TTC7B: variants seen among roughly 807,000 people sequenced by gnomAD.
TTC7B encodes the protein tetratricopeptide repeat protein 7B.
Under a neutral mutation model 106.8 loss-of-function variants are expected in TTC7B, and 28 were observed. The ratio of observed to expected loss-of-function variants is 0.26; its 90% CI spans 0.19 to 0.36. The LOEUF (loss-of-function observed/expected upper bound fraction) is 0.36. Among genes scored for constraint, TTC7B ranks in the 10% least tolerant of loss-of-function variants. The pLI, the probability that TTC7B is intolerant of heterozygous loss-of-function variation, is 1.00. For synonymous variants in TTC7B, 405 were observed against 430.6 expected (o/e 0.94, Z 0.74); for missense variants, 862 against 1,076.4 (o/e 0.80, Z 2.79).
rs1229814030 is a variant in TTC7B at position 90,657,420 on chromosome 14, G to A, written c.1237-142C>T. The stretch of plus-strand genomic sequence containing the variant: ...AAGCCCAAGCAAGCGGGGGCCTGAG[G>A]TGCATGAAAACCAGAGCCTGCGGCT... On this transcript the variant is annotated intron_variant, in intron 10 of 19. Transcript: ENST00000328459. The surrounding 1 kb of genome is among the most constrained non-coding windows in gnomAD (Gnocchi z 4.2). 7.4e-6 allele frequency: 5 copies of A among 679,810 alleles called. No homozygotes were observed. Among genetic ancestry groups the A allele is most frequent in the African/African-American group, 1.8e-5 (1 of 55,406 alleles). The allele number at this position is 679,810 out of a possible 1,614,324, so 42.1% of individuals were successfully genotyped here.
chr14:90,584,720 G>A (rs780504559), intron 18 of TTC7B, among the ~76,000 whole-genome samples: 3 of 151,756 alleles, frequency 2.0e-5, no homozygotes, highest in Admixed American at 6.6e-5. Context: ...TCCCGACCTC[G>A]CAGCTCAAGC....
Position 90,647,008 on chromosome 14 carries a change from T to C in TTC7B, c.1533A>G (p.Ser511=). ...AGAAAGCTGCTTGGTGATCTGTGGG[T>C]GACAGGCTGTGGGCCCTGAAAAAGT... ...LLAFQRAHSL[S]PTDHQAAFYL... is the part of the protein sequence containing the mutation. Residue 511 remains serine, a synonymous_variant, in exon 14 of 20, where the codon TCA becomes TCG. Coordinates refer to ENST00000328459, the MANE Select transcript of TTC7B (RefSeq NM_001010854.2). 1 of 1,614,136 alleles carries C rather than the reference T, an allele frequency of 6.2e-7. No individual in the cohort carries two copies. The highest frequency in any genetic ancestry group is 1.1e-5 in the South Asian group (1 of 91,072).
At chr14:90,690,056 A>T (rs2016037997) in intron 6 of TTC7B, among the ~76,000 whole-genome samples, 1 of 152,262 alleles carries the variant, frequency 6.6e-6, no homozygotes, top group African/African-American at 2.4e-5. Flanking sequence ...TGAGCTGCAG[A>T]TATTAGCATC....
chr14:90,636,905 A>G (rs1395944733), intron 15 of TTC7B, among the ~76,000 whole-genome samples: 2 of 151,818 alleles, frequency 1.3e-5, no homozygotes, highest in African/African-American at 4.8e-5. Context: ...GAAAATTTTT[A>G]GTCTTAAATG....
intron 3 of TTC7B, among the ~76,000 whole-genome samples, chr14:90,758,576 CGACCCCTGGCGGCG>C (rs1243570231): frequency 6.6e-6 from 1 of 152,246 alleles, no homozygotes; most frequent in African/African-American, 2.4e-5. Context: ...GCGGCTCCCG[CGACCCCTGGCGGCG>C]GCTGCCGAGG....
At chr14:90,701,762 A>G (rs900432231) in intron 5 of TTC7B, among the ~76,000 whole-genome samples, 2 of 144,390 alleles carry the variant, frequency 1.4e-5, no homozygotes, top group Non-Finnish European at 3.0e-5. Context: ...GTGTGTGTGT[A>G]TATATGTGTA....
intron 16 of TTC7B, 40 bp from the exon 17 acceptor site, chr14:90,610,879 G>A: frequency 2.0e-6 from 3 of 1,469,084 alleles, no homozygotes; most frequent in Non-Finnish European, 2.9e-6. Context: ...CCTGCAAGGT[G>A]GGAGGAGGGA....
intron 19 of TTC7B, among the ~76,000 whole-genome samples, chr14:90,559,834 G>A (rs182621892): frequency 3.1e-4 from 47 of 152,354 alleles, no homozygotes; most frequent in Admixed American, 1.4e-3. Flanking sequence ...TAAATCACAC[G>A]GCCACATGGC....
chr14:90,568,368 A>G (rs1235533490), intron 19 of TTC7B, among the ~76,000 whole-genome samples: 1 of 152,230 alleles, frequency 6.6e-6, no homozygotes, highest in Non-Finnish European at 1.5e-5. Context: ...CAGAATTTCC[A>G]AGAATAAATG....
intron 3 of TTC7B, 101 bp downstream of exon 3, chr14:90,780,637 G>GGTTCATCACC: frequency 2.2e-6 from 3 of 1,389,700 alleles, no homozygotes; most frequent in Non-Finnish European, 2.9e-6. Flanking sequence ...GGAACTGCCA[G>GGTTCATCACC]GTTCATCACC....
At chr14:90,782,321 G>T (rs190963052) in intron 2 of TTC7B, among the ~76,000 whole-genome samples, 2 of 152,166 alleles carry the variant, frequency 1.3e-5, no homozygotes, top group African/African-American at 4.8e-5. Context: ...CATCCAGGCC[G>T]AGTGCGGTGG....
At chr14:90,709,006 G>A (rs1888325776) in intron 5 of TTC7B, among the ~76,000 whole-genome samples, 1 of 151,334 alleles carries the variant, frequency 6.6e-6, no homozygotes, top group African/African-American at 2.4e-5. Context: ...ACACCAGTTA[G>A]AATGGCGATC....
intron 1 of TTC7B, among the ~76,000 whole-genome samples, chr14:90,812,221 A>G (rs1337401154): frequency 1.3e-5 from 2 of 152,116 alleles, no homozygotes; most frequent in Non-Finnish European, 2.9e-5. Context: ...TAGCCACTAC[A>G]GGTAAGGTCC....
rs2030337660 is a variant in TTC7B, at chr14:90,802,525, G to A, written c.121+13650C>T. On this transcript the variant is annotated intron_variant, in intron 1 of 19. Coordinates refer to ENST00000328459, the MANE Select transcript of TTC7B (RefSeq NM_001010854.2). This position sits in a 1 kb window ranked among gnomAD's most constrained non-coding sequence, Gnocchi z 4.7. ...GTCGAGTTAGTGGCATGAAACAAGGGAGTTTCCTAATTGCTTTTATTTCCT... is the reference window on the plus strand; with the variant it reads ...GTCGAGTTAGTGGCATGAAACAAGGAAGTTTCCTAATTGCTTTTATTTCCT... 6.6e-6 allele frequency among the ~76,000 whole-genome samples: 1 copy of A among 152,084 alleles called. No individual in the cohort carries two copies. The highest frequency in any genetic ancestry group is 1.5e-5 in the Non-Finnish European group (1 of 68,022).
At position 90,531,821 on chromosome 14, in the gene TTC7B, C is replaced by G. The variant is rs931484934; in HGVS notation, c.*9547G>C. ...AGTTGAAAGCCAGAGAATCTGAAAA[C>G]ACTGGACTGAAAAGTCTCATTGTGT... On this transcript the variant is annotated 3_prime_UTR_variant, in exon 20 of 20. Transcript: ENST00000328459. 1 of 152,194 alleles carries G rather than the reference C, an allele frequency of 6.6e-6. No individual in the cohort carries two copies. Among genetic ancestry groups the G allele is most frequent in the South Asian group, 2.1e-4 (1 of 4,838 alleles). The allele number at this position is 152,194 out of a possible 1,614,324, so 9.4% of individuals were successfully genotyped here.
At chr14:90,561,593 G>A (rs1011550993) in intron 19 of TTC7B, among the ~76,000 whole-genome samples, 1 of 152,142 alleles carries the variant, frequency 6.6e-6, no homozygotes, top group Non-Finnish European at 1.5e-5. Context: ...GAACACCATC[G>A]TCCCCACATA....
intron 3 of TTC7B, among the ~76,000 whole-genome samples, chr14:90,745,906 T>C (rs1195944992): frequency 7.2e-5 from 11 of 152,018 alleles, no homozygotes. Context: ...TTTCACCATG[T>C]TGGCCAGTCT....
At chr14:90,766,743 G>A (rs1890693566) in intron 3 of TTC7B, 2 of 1,560,856 alleles carry the variant, frequency 1.3e-6, no homozygotes, top group South Asian at 2.2e-5. Flanking sequence ...TCACCATTAT[G>A]CAGAATCCAT....
chr14:90,803,974 G>A (rs2030439346), intron 1 of TTC7B, among the ~76,000 whole-genome samples: 1 of 152,360 alleles, frequency 6.6e-6, no homozygotes, highest in South Asian at 2.1e-4. Flanking sequence ...GGCCCAGAGG[G>A]CTTGGAAATG....
Sources: allele counts gnomAD v4.1 joint callset (sites outside exome capture counted in the v4.1 genomes callset), GRCh38; gene constraint gnomAD v4.1.1; non-coding constraint Gnocchi (gnomAD v3.1); transcripts MANE v1.5; gene names NCBI Gene and HGNC (gene_info 2026-07-23, HGNC 2026-07-21).